The following GALNT7 variants were observed in gnomAD, a reference collection of about 807,000 sequenced individuals.
GALNT7 encodes the protein N-acetylgalactosaminyltransferase 7.
GALNT7 carries 60 observed loss-of-function variants against 82.1 expected under a neutral mutation model. The ratio of observed to expected loss-of-function variants is 0.73; its 90% CI spans 0.59 to 0.91. GALNT7 has a LOEUF of 0.91. Among genes scored for constraint, GALNT7 ranks in the 40% least tolerant of loss-of-function variants. The pLI is 0.00. For synonymous variants in GALNT7, 243 were observed against 275.1 expected (o/e 0.88, Z 1.15); for missense variants, 660 against 804.2 (o/e 0.82, Z 2.17).
intron 9 of GALNT7, 139 bp downstream of exon 9, chr4:173,314,315 C>T (rs1378174410): frequency 1.5e-6 from 1 of 652,288 alleles, no homozygotes; most frequent in African/African-American, 1.8e-5. Context: ...TACCACCTTT[C>T]CACTAAACAG....
In GALNT7 at chr4:173,168,960, G is replaced by A. The variant is rs1324453863; in HGVS notation, c.125G>A (p.Arg42Lys). Reference protein sequence around the residue: ...PDDPSPLSRMREDRDVNDPMP... With the variant: ...PDDPSPLSRMKEDRDVNDPMP... ...GACCCAAGCCCGCTGAGCAGGATGA[G>A]GGTGAGTGACCCGCCCGGCCCCCTC... Residue 42 changes from arginine to lysine, a missense_variant and splice_region_variant, in exon 1 of 12, where the codon AGG becomes AAG. Physicochemically the swap from Arg to Lys is conservative, Grantham distance 26 (BLOSUM62 2). Around this residue, in one of 2 missense-constraint regions of GALNT7, gnomAD observed 133 missense variants for 120.7 expected, o/e 1.10. Transcript: ENST00000265000. The A allele has an allele frequency of 1.2e-6, 2 of 1,613,018 alleles. No individual in the cohort carries two copies. The highest frequency in any genetic ancestry group is 1.7e-6 in the Non-Finnish European group (2 of 1,179,530).
intron 1 of GALNT7, among the ~76,000 whole-genome samples, chr4:173,180,314 A>G (rs1732203362): frequency 6.9e-6 from 1 of 145,100 alleles, no homozygotes; most frequent in Admixed American, 7.0e-5. Flanking sequence ...ATATTTCATC[A>G]TATTGGAGTT....
intron 8 of GALNT7, among the ~76,000 whole-genome samples, chr4:173,312,816 T>C (rs537778777): frequency 1.3e-5 from 2 of 152,328 alleles, no homozygotes; most frequent in African/African-American, 4.8e-5. Flanking sequence ...ATCAACACTT[T>C]GGGAAGCCAA....
intron 1 of GALNT7, among the ~76,000 whole-genome samples, chr4:173,181,554 C>T (rs773616004): frequency 2.0e-4 from 31 of 152,170 alleles, no homozygotes; most frequent in East Asian, 1.2e-3. Context: ...AACTCTATTC[C>T]TCTTCTTATA....
Position 173,248,146 on chromosome 4 carries a change from A to G in GALNT7, c.293A>G (p.His98Arg), listed in dbSNP as rs1734722819. The change falls in exon 2 of 12, where the codon CAT (histidine) becomes CGT (arginine). Residue 98 changes from histidine to arginine, a missense_variant. By Grantham distance (29) the His-to-Arg change is conservative. Coordinates refer to ENST00000265000, the MANE Select transcript of GALNT7 (RefSeq NM_017423.3). ...AAGGCCAAAAATGAACAAGAGCACC[A>G]TGCTGGAGGAGATTCCCAGAAAGAT... ...INKAKNEQEH[H>R]AGGDSQKDIM... The G allele has an allele frequency of 1.2e-6, 2 of 1,613,966 alleles. No individual in the cohort carries two copies. The highest frequency in any genetic ancestry group is 4.5e-5 in the East Asian group (2 of 44,866).
At chr4:173,213,325 G>T (rs1733342357) in intron 1 of GALNT7, among the ~76,000 whole-genome samples, 1 of 152,006 alleles carries the variant, frequency 6.6e-6, no homozygotes, top group Non-Finnish European at 1.5e-5. Context: ...TACCCCATGA[G>T]GAGTTGCTCC....
chr4:173,281,316 C>T (rs572778162), intron 2 of GALNT7, among the ~76,000 whole-genome samples: 3 of 152,180 alleles, frequency 2.0e-5, no homozygotes, highest in East Asian at 3.8e-4. Context: ...TTGGGACCAA[C>T]GGTCCTTTCC....
chr4:173,220,336 T>A (rs1360564913), intron 1 of GALNT7, among the ~76,000 whole-genome samples: 1 of 152,204 alleles, frequency 6.6e-6, no homozygotes, highest in African/African-American at 2.4e-5. Flanking sequence ...TTCTATTCTG[T>A]TCTGTTGTTC....
At chr4:173,227,601 G>T (rs1437470523) in intron 1 of GALNT7, among the ~76,000 whole-genome samples, 2 of 152,176 alleles carry the variant, frequency 1.3e-5, no homozygotes, top group Non-Finnish European at 2.9e-5. Context: ...AAAGTGTTGG[G>T]ATTACAGGCC....
At chr4:173,293,880 A>G (rs568010892) in intron 3 of GALNT7, among the ~76,000 whole-genome samples, 8 of 152,334 alleles carry the variant, frequency 5.3e-5, no homozygotes, top group African/African-American at 1.9e-4. Flanking sequence ...AGACACACAC[A>G]ACCAGCCTCT....
intron 2 of GALNT7, among the ~76,000 whole-genome samples, chr4:173,265,496 C>T (rs1290138973): frequency 6.6e-6 from 1 of 152,098 alleles, no homozygotes; most frequent in East Asian, 1.9e-4. Context: ...TACATGACCT[C>T]AGGTTTGTGA....
intron 1 of GALNT7, among the ~76,000 whole-genome samples, chr4:173,189,992 TA>T (rs1183804677): frequency 6.6e-6 from 1 of 151,410 alleles, no homozygotes; most frequent in African/African-American, 2.4e-5. Context: ...TCCAAAATGT[TA>T]GTTTTTTTTT....
chr4:173,286,253 T>C (rs939410704), intron 2 of GALNT7, among the ~76,000 whole-genome samples: 2 of 152,216 alleles, frequency 1.3e-5, no homozygotes, highest in Non-Finnish European at 2.9e-5. Context: ...AGTTCTCCAG[T>C]TTCCTTTGGG....
chr4:173,238,690 T>G (rs1034603158), intron 1 of GALNT7, among the ~76,000 whole-genome samples: 2 of 152,330 alleles, frequency 1.3e-5, no homozygotes, highest in South Asian at 2.1e-4. Context: ...ATGTTAAATA[T>G]TCACAATAAA....
intron 1 of GALNT7, 137 bp downstream of exon 1, chr4:173,169,098 G>A: frequency 2.8e-6 from 2 of 711,980 alleles, no homozygotes; most frequent in Non-Finnish European, 4.0e-6. Flanking sequence ...CTGGCGCAGC[G>A]CGGGCCGAGG....
chr4:173,192,880 G>T (rs977816287), intron 1 of GALNT7, among the ~76,000 whole-genome samples: 1 of 152,180 alleles, frequency 6.6e-6, no homozygotes, highest in Non-Finnish European at 1.5e-5. Context: ...ATCCAAGCTA[G>T]GTCAACTGTA....
intron 1 of GALNT7, among the ~76,000 whole-genome samples, chr4:173,184,192 G>A (rs1732388755): frequency 1.3e-5 from 2 of 152,024 alleles, no homozygotes; most frequent in South Asian, 4.2e-4. Context: ...CTTCCTAGAC[G>A]GGGTGGCGGC....
At chr4:173,172,062 T>G (rs186086231) in intron 1 of GALNT7, among the ~76,000 whole-genome samples, 222 of 152,262 alleles carry the variant, frequency 1.5e-3, no homozygotes, top group African/African-American at 5.2e-3. Flanking sequence ...CCGAGGCAAA[T>G]TTTTGAGCAG....
At chr4:173,183,747 C>T (rs1304129134) in intron 1 of GALNT7, among the ~76,000 whole-genome samples, 3 of 148,756 alleles carry the variant, frequency 2.0e-5, no homozygotes, top group Non-Finnish European at 4.5e-5. Flanking sequence ...GTCTGCCCCC[C>T]ACCTCCCGGA....
Sources: allele counts gnomAD v4.1 joint callset (sites outside exome capture counted in the v4.1 genomes callset), GRCh38; gene constraint gnomAD v4.1.1; regional missense constraint gnomAD v4.1.1; transcripts MANE v1.5; gene names NCBI Gene and HGNC (gene_info 2026-07-23, HGNC 2026-07-21).